The following FOCAD variants were observed in gnomAD, a reference collection of about 807,000 sequenced individuals.
The protein encoded by FOCAD is KIAA1797.
In FOCAD, 198 loss-of-function variants were observed where a neutral mutation model predicts 225.6. The ratio of observed to expected loss-of-function variants is 0.88; its 90% CI spans 0.78 to 0.99. The LOEUF (loss-of-function observed/expected upper bound fraction) is 0.99. Among genes scored for constraint, FOCAD ranks in the 50% least tolerant of loss-of-function variants. FOCAD has a pLI of 0.00. For missense variants in FOCAD, 2,713 were observed against 2,123.6 expected (o/e 1.28, Z -5.46); for synonymous variants, 897 against 755.0 (o/e 1.19, Z -3.08).
At chr9:20,771,044 C>A (rs1448070046) in intron 8 of FOCAD, among the ~76,000 whole-genome samples, 2 of 152,018 alleles carry the variant, frequency 1.3e-5, no homozygotes, top group Admixed American at 6.6e-5. Flanking sequence ...AATGGGAGAA[C>A]AAGTTTCAGG....
At chr9:20,849,907 A>G (rs1827483490) in intron 15 of FOCAD, among the ~76,000 whole-genome samples, 1 of 151,864 alleles carries the variant, frequency 6.6e-6, no homozygotes, top group African/African-American at 2.4e-5. Context: ...TAAAAATTTC[A>G]GGGCATTGAA....
chr9:20,916,859 A>G (rs753589015), intron 23 of FOCAD, 34 bp from the exon 24 acceptor site: 1 of 1,580,344 alleles, frequency 6.3e-7, no homozygotes, highest in Non-Finnish European at 8.6e-7. Flanking sequence ...TTGTTCTAAC[A>G]TAAACTCTCG....
At chr9:20,684,925 C>G (rs1037603295) in intron 1 of FOCAD, among the ~76,000 whole-genome samples, 2 of 152,240 alleles carry the variant, frequency 1.3e-5, no homozygotes, top group African/African-American at 4.8e-5. Context: ...TTCGCAGCAG[C>G]TAACGCGTGG....
At chr9:20,691,997 G>A (rs968477714) in intron 1 of FOCAD, among the ~76,000 whole-genome samples, 1 of 151,578 alleles carries the variant, frequency 6.6e-6, no homozygotes, top group Non-Finnish European at 1.5e-5. Flanking sequence ...TGATCCACCC[G>A]CCTTGGCCTC....
In FOCAD at chr9:20,759,248, T is replaced by C. The variant is rs371370174; in HGVS notation, c.494+1057T>C. On this transcript the variant is annotated intron_variant, in intron 6 of 43. Coordinates refer to ENST00000338382, the MANE Select transcript of FOCAD (RefSeq NM_001375567.1). ...TATGGAACCAAAAAAGAGCCCGCAT[T>C]GCCAAGTCAATCCTAAGCCAAAAGA... 6.9e-3 allele frequency among the ~76,000 whole-genome samples: 1,055 copies of C among 152,180 alleles called. 8 individuals are homozygous for C. The highest frequency in any genetic ancestry group is 0.01 in the Middle Eastern group (3 of 294).
chr9:20,994,753 A>G (rs1035281088), intron 43 of FOCAD, among the ~76,000 whole-genome samples: 5 of 152,186 alleles, frequency 3.3e-5, no homozygotes, highest in African/African-American at 1.2e-4. Flanking sequence ...TGGCCATAAT[A>G]ACGTTGGTTG....
rs1587652150 is a variant in FOCAD, at chr9:20,933,240, T to G, written c.3407+137T>G. The G allele has an allele frequency of 6.5e-6, 4 of 619,492 alleles. No homozygotes were observed. In the East Asian group the frequency reaches 1.2e-4, roughly 19 times the overall value. 38.4% of individuals were successfully genotyped at this position (619,492 alleles called of 1,614,324 possible). A position where few individuals can be genotyped will look rare whatever the true frequency, so the allele number is the denominator to read the frequency against. ...AGGTTATTGGGGAACAGGTGGTGTT[T>G]GGTTACATGAGTAAGTTCTTTAGTG... On this transcript the variant is annotated intron_variant, in intron 28 of 43. Coordinates refer to ENST00000338382, the MANE Select transcript of FOCAD (RefSeq NM_001375567.1).
chr9:20,735,423 A>C (rs1827069407), intron 4 of FOCAD, among the ~76,000 whole-genome samples: 1 of 152,204 alleles, frequency 6.6e-6, no homozygotes. Context: ...TGCATACCAA[A>C]GTTACTTGTA....
At chr9:20,714,938 C>A (rs1281288581) in intron 1 of FOCAD, among the ~76,000 whole-genome samples, 4 of 152,120 alleles carry the variant, frequency 2.6e-5, no homozygotes, top group Non-Finnish European at 4.4e-5. Flanking sequence ...CAAAGTGAGG[C>A]ATAGATGAAG....
intron 30 of FOCAD, among the ~76,000 whole-genome samples, chr9:20,947,980 C>T (rs1837338792): frequency 6.6e-6 from 1 of 151,974 alleles, no homozygotes; most frequent in African/African-American, 2.4e-5. Context: ...CTAACCTCTT[C>T]AAATTGTTTG....
At position 20,949,646 on chromosome 9, in the gene FOCAD, C is replaced by G. The variant is rs1381149828; in HGVS notation, c.3919C>G (p.Leu1307Val). 6.2e-7 allele frequency: 1 copy of G among 1,613,156 alleles called. No homozygotes were observed. ...AIQTSHFQGRLNEVIRTLTQV... is the reference protein window; with the variant it reads ...AIQTSHFQGRVNEVIRTLTQV... ...CCAGACCTCTCATTTTCAAGGCAGA[C>G]TTAATGAAGTCATTAGAACCTTAAC... Residue 1307 changes from leucine to valine, a missense_variant, in exon 33 of 44, where the codon CTT becomes GTT. Physicochemically the swap from Leu to Val is conservative, Grantham distance 32. Transcript: ENST00000338382.
intron 35 of FOCAD, among the ~76,000 whole-genome samples, chr9:20,953,463 T>C (rs980672379): frequency 1.3e-5 from 2 of 152,236 alleles, no homozygotes; most frequent in African/African-American, 2.4e-5. Flanking sequence ...CCTGCATCTT[T>C]TATAATCATT....
chr9:20,795,919 G>A (rs1217354879), intron 11 of FOCAD, among the ~76,000 whole-genome samples: 2 of 150,882 alleles, frequency 1.3e-5, no homozygotes, highest in East Asian at 1.9e-4. Context: ...CCCCAATAAC[G>A]CGTCATTTAA....
chr9:20,855,853 T>G (rs1828131916), intron 15 of FOCAD, among the ~76,000 whole-genome samples: 1 of 151,352 alleles, frequency 6.6e-6, no homozygotes, highest in Non-Finnish European at 1.5e-5. Context: ...TTGTCTTTCT[T>G]TTCCTGGTTT....
chr9:20,727,100 G>A (rs1464540231), intron 4 of FOCAD, among the ~76,000 whole-genome samples: 2 of 152,210 alleles, frequency 1.3e-5, no homozygotes, highest in East Asian at 3.9e-4. Flanking sequence ...GTCCATGTCT[G>A]TTTCCCATCT....
chr9:20,727,083 G>C (rs1447746363), intron 4 of FOCAD, among the ~76,000 whole-genome samples: 1 of 152,096 alleles, frequency 6.6e-6, no homozygotes, highest in East Asian at 1.9e-4. Flanking sequence ...GAGTGACAGA[G>C]TTGCTAGTCC....
chr9:20,670,161 C>G (rs764476063), intron 2 of FOCAD, among the ~76,000 whole-genome samples: 1 of 152,024 alleles, frequency 6.6e-6, no homozygotes, highest in African/African-American at 2.4e-5. Flanking sequence ...TATTAGGGGC[C>G]CAAGGCCTGG....
At chr9:20,877,471 G>A (rs567803239) in intron 19 of FOCAD, among the ~76,000 whole-genome samples, 1 of 152,140 alleles carries the variant, frequency 6.6e-6, no homozygotes, top group Admixed American at 6.5e-5. Context: ...AATAAAATAG[G>A]CAAAGTAATG....
chr9:20,986,955 C>G (rs144300625), intron 40 of FOCAD, among the ~76,000 whole-genome samples: 1 of 152,286 alleles, frequency 6.6e-6, no homozygotes, highest in East Asian at 1.9e-4. Flanking sequence ...GCTAATGAAT[C>G]ACATGATGCA....
Sources: gnomAD v4.1 joint callset for allele counts (sites outside exome capture counted in the v4.1 genomes callset) on GRCh38, gnomAD v4.1.1 for gene constraint, MANE v1.5 for transcripts, NCBI Gene and HGNC (gene_info 2026-07-23, HGNC 2026-07-21) for gene names.